Variants in QPRT observed in about 807,000 individuals in gnomAD.
QPRT encodes the protein quinolinate phosphoribosyltransferase, also known as nicotinate-nucleotide pyrophosphorylase [carboxylating].
Under a neutral mutation model 19.8 loss-of-function variants are expected in QPRT, and 17 were observed. That is an observed-to-expected ratio of 0.86 (90% CI 0.59 to 1.29). The LOEUF (loss-of-function observed/expected upper bound fraction) is 1.29. Among genes scored for constraint, QPRT ranks in the 50% most tolerant of loss-of-function variants. The pLI, the probability that QPRT is intolerant of heterozygous loss-of-function variation, is 0.00. For missense variants in QPRT, 336 were observed against 405.1 expected, an observed-to-expected ratio of 0.83 and a Z score of 1.46; for synonymous variants, 178 against 191.0, an observed-to-expected ratio of 0.93 and a Z score of 0.56.
chr16:29,693,492 C>T (rs531336477), intron 1 of QPRT, among the ~76,000 whole-genome samples: 3 of 152,174 alleles, frequency 2.0e-5, no homozygotes, highest in African/African-American at 7.2e-5. Flanking sequence ...CTCCTGACCT[C>T]AGGTGATCCA....
intron 1 of QPRT, among the ~76,000 whole-genome samples, chr16:29,685,860 G>C (rs922425149): frequency 4.9e-4 from 73 of 149,492 alleles, no homozygotes; most frequent in African/African-American, 1.9e-3. Flanking sequence ...AAAATAAAAT[G>C]AAAAGAAAAT....
At chr16:29,689,351 TC>T (rs935121458) in intron 1 of QPRT, among the ~76,000 whole-genome samples, 2 of 152,082 alleles carry the variant, frequency 1.3e-5, no homozygotes, top group African/African-American at 4.8e-5. Flanking sequence ...CACCTTGGCC[TC>T]CCAAAGTGCT....
At position 29,697,666 on chromosome 16, in the gene QPRT, T is replaced by G; in HGVS notation, c.*255T>G. On this transcript the variant is annotated 3_prime_UTR_variant, in exon 4 of 4. Transcript: ENST00000395384. This position sits in a 1 kb window ranked among gnomAD's most constrained non-coding sequence, Gnocchi z 4.4. ...GGGTTCTGCGGTGATAATGAGCACA[T>G]AGTGAGGGGTCAGCAAATGTCAGAA... 1 of 475,180 alleles carries G rather than the reference T, an allele frequency of 2.1e-6. No homozygotes were observed. The highest frequency in any genetic ancestry group is 3.3e-5 in the South Asian group (1 of 30,268). 29.4% of individuals were successfully genotyped at this position (475,180 alleles called of 1,614,324 possible).
intron 1 of QPRT, among the ~76,000 whole-genome samples, chr16:29,687,528 T>G (rs939916609): frequency 5.3e-5 from 8 of 152,180 alleles, no homozygotes; most frequent in Non-Finnish European, 8.8e-5. Context: ...GTTCCTAATC[T>G]GTGACAGGGA....
At chr16:29,682,655 C>T (rs1365588567) in intron 1 of QPRT, among the ~76,000 whole-genome samples, 6 of 152,172 alleles carry the variant, frequency 3.9e-5, no homozygotes, top group Non-Finnish European at 7.4e-5. Context: ...GCTGGGATTA[C>T]AGGCGCAAGT....
intron 1 of QPRT, among the ~76,000 whole-genome samples, chr16:29,693,767 A>T (rs1967425650): frequency 6.6e-6 from 1 of 150,516 alleles, no homozygotes; most frequent in Admixed American, 6.6e-5. Context: ...TTGTATTTTT[A>T]GTAGAGACAG....
intron 1 of QPRT, among the ~76,000 whole-genome samples, chr16:29,684,622 C>A (rs1244734319): frequency 6.6e-6 from 1 of 152,200 alleles, no homozygotes; most frequent in African/African-American, 2.4e-5. Flanking sequence ...GCTGGGATTA[C>A]AGGCGTGAGC....
At chr16:29,688,376 C>G (rs2142303007) in intron 1 of QPRT, among the ~76,000 whole-genome samples, 1 of 152,142 alleles carries the variant, frequency 6.6e-6, no homozygotes, top group Non-Finnish European at 1.5e-5. Flanking sequence ...GCTGACTTAG[C>G]AGTATTCTTG....
At chr16:29,690,748 G>A (rs1384280940) in intron 1 of QPRT, among the ~76,000 whole-genome samples, 1 of 151,994 alleles carries the variant, frequency 6.6e-6, no homozygotes, top group Admixed American at 6.6e-5. Context: ...GGAGTGCAGC[G>A]GCATGACCTC....
chr16:29,680,615 C>T lies in QPRT; in HGVS notation c.13+1405C>T, dbSNP rs367724070. The stretch of plus-strand genomic sequence containing the variant: ...GGTGGGTCCTGGCTTCTCAGAGTCC[C>T]GTTTTCTTCCATCTGTAAAATGACA... On this transcript the variant is annotated intron_variant, in intron 1 of 3. Transcript: ENST00000395384. 1.1e-3 allele frequency among the ~76,000 whole-genome samples: 162 copies of T among 152,234 alleles called. 15 individuals carry two copies. Among genetic ancestry groups the T allele is most frequent in the Middle Eastern group, 3.4e-3 (1 of 294 alleles).
intron 1 of QPRT, among the ~76,000 whole-genome samples, chr16:29,691,582 G>A (rs1967336081): frequency 6.6e-6 from 1 of 152,094 alleles, no homozygotes; most frequent in African/African-American, 2.4e-5. Flanking sequence ...AGTTCCTTGG[G>A]AAGCTGAGGC....
At chr16:29,683,784 G>A (rs1967082648) in intron 1 of QPRT, among the ~76,000 whole-genome samples, 1 of 152,142 alleles carries the variant, frequency 6.6e-6, no homozygotes, top group Non-Finnish European at 1.5e-5. Flanking sequence ...GAATGGGCCT[G>A]AGCATCTGAA....
At chr16:29,682,174 C>T (rs762440126) in intron 1 of QPRT, among the ~76,000 whole-genome samples, 14 of 151,332 alleles carry the variant, frequency 9.3e-5, no homozygotes, top group African/African-American at 1.2e-4. Context: ...GGACTGCAGG[C>T]GTGTGCCACC....
Position 29,694,899 on chromosome 16 carries a change from G to T in QPRT, c.249G>T (p.Pro83=). 6.2e-7 allele frequency: 1 copy of T among 1,614,006 alleles called. No homozygotes were observed. The highest frequency in any genetic ancestry group is 8.5e-7 in the Non-Finnish European group (1 of 1,179,934). ...TCCCCGAGGGATCGAAGCTGGTGCC[G>T]GTGGCCAGAGTGGCCGAGGTCCGGG... ...WFLPEGSKLV[P]VARVAEVRGP... Residue 83 remains proline, a synonymous_variant, in exon 2 of 4, where the codon CCG becomes CCT. Transcript: ENST00000395384.
chr16:29,694,066 C>T (rs1183066511), intron 1 of QPRT, among the ~76,000 whole-genome samples: 1 of 151,460 alleles, frequency 6.6e-6, no homozygotes, highest in East Asian at 1.9e-4. Flanking sequence ...CTGCCTGCCC[C>T]AGCCTCCCAA....
chr16:29,697,312 C>T lies in QPRT; in HGVS notation c.795C>T (p.Asp265=), dbSNP rs767440118. Residue 265 remains aspartate, a synonymous_variant, in exon 4 of 4, where the codon GAC becomes GAT. Coordinates refer to ENST00000395384, the MANE Select transcript of QPRT (RefSeq NM_014298.6). This position sits in a 1 kb window ranked among gnomAD's most constrained non-coding sequence, Gnocchi z 4.4. The part of the protein sequence containing the change: ...NLPQFCGPHI[D]VISMGMLTQA... Reference sequence around the variant, plus strand: ...CCCAGTTCTGCGGGCCGCACATAGACGTCATCTCCATGGGGATGCTGACCC... The same window carrying T: ...CCCAGTTCTGCGGGCCGCACATAGATGTCATCTCCATGGGGATGCTGACCC... 1.9e-5 allele frequency: 30 copies of T among 1,614,074 alleles called. No individual in the cohort carries two copies. Among genetic ancestry groups the T allele is most frequent in the Middle Eastern group, 1.6e-4 (1 of 6,082 alleles).
intron 1 of QPRT, among the ~76,000 whole-genome samples, chr16:29,679,679 C>T (rs1281666785): frequency 6.6e-6 from 1 of 152,090 alleles, no homozygotes; most frequent in Non-Finnish European, 1.5e-5. Flanking sequence ...TTGGGGTGAT[C>T]AGTCCCAACC....
chr16:29,691,394 A>AAAAAAT (rs1967328147), intron 1 of QPRT, among the ~76,000 whole-genome samples: 1 of 133,514 alleles, frequency 7.5e-6, no homozygotes, highest in African/African-American at 2.8e-5. Context: ...AAAAAAAAAA[A>AAAAAAT]TCAGGGTGGG....
upstream of QPRT, chr16:29,679,145 G>A (rs918946729): frequency 1.2e-6 from 2 of 1,613,560 alleles, no homozygotes; most frequent in African/African-American, 2.7e-5. Context: ...GGGGCCTCTG[G>A]GAGCCTTGGT....
Sources: allele counts gnomAD v4.1 joint callset (sites outside exome capture counted in the v4.1 genomes callset), GRCh38; gene constraint gnomAD v4.1.1; non-coding constraint Gnocchi (gnomAD v3.1); transcripts MANE v1.5; gene names NCBI Gene and HGNC (gene_info 2026-07-23, HGNC 2026-07-21).